The following FMN2 variants were observed in gnomAD, a reference collection of about 807,000 sequenced individuals.
FMN2 encodes the protein formin-2.
In FMN2, 51 loss-of-function variants were observed where a neutral mutation model predicts 142.3. The ratio of observed to expected loss-of-function variants is 0.36; its 90% CI spans 0.29 to 0.45. The LOEUF (loss-of-function observed/expected upper bound fraction) is 0.45, where lower values mean the gene tolerates loss of function less well. Among genes scored for constraint, FMN2 ranks in the 20% least tolerant of loss-of-function variants. The pLI, the probability that FMN2 is intolerant of heterozygous loss-of-function variation, is 1.00. For missense variants in FMN2, 1,936 were observed against 2,122.8 expected (o/e 0.91, Z 1.73); for synonymous variants, 882 against 869.8 (o/e 1.01, Z -0.25).
intron 15 of FMN2, among the ~76,000 whole-genome samples, chr1:240,411,570 C>CAAAAAAA (rs757715188): frequency 9.6e-6 from 1 of 103,676 alleles, no homozygotes; most frequent in Non-Finnish European, 2.0e-5. Flanking sequence ...GACTCCATCT[C>CAAAAAAA]AAAAAAAAAA....
rs1377138739 is a variant in FMN2 at position 240,473,178 on chromosome 1, C to T, written c.5142+725C>T. On this transcript the variant is annotated intron_variant, in intron 17 of 17. Coordinates refer to ENST00000319653, the MANE Select transcript of FMN2 (RefSeq NM_020066.5). This position sits in a 1 kb window ranked among gnomAD's most constrained non-coding sequence, Gnocchi z 4.3. ...GCCAAGAGCAGTGTGACGCTTTGCC[C>T]AGGGTGCCCAGACCCCGTTTATATC... 1.3e-5 allele frequency among the ~76,000 whole-genome samples: 2 copies of T among 152,072 alleles called. No individual in the cohort carries two copies. The highest frequency in any genetic ancestry group is 2.9e-5 in the Non-Finnish European group (2 of 68,018).
At chr1:240,336,582 A>AAAAAAAAAAAAAAAAAAAAAG (rs144682452) in intron 13 of FMN2, among the ~76,000 whole-genome samples, 1 of 101,842 alleles carries the variant, frequency 9.8e-6, no homozygotes, top group East Asian at 3.9e-4. Flanking sequence ...AAAAAAAAAA[A>AAAAAAAAAAAAAAAAAAAAAG]GGTGGTTGCA....
intron 15 of FMN2, among the ~76,000 whole-genome samples, chr1:240,406,988 C>G (rs542812530): frequency 6.6e-6 from 1 of 152,092 alleles, no homozygotes; most frequent in African/African-American, 2.4e-5. Context: ...AAACGTTCGT[C>G]GTCTCATTTT....
At chr1:240,239,974 G>C (rs2102865576) in intron 6 of FMN2, among the ~76,000 whole-genome samples, 1 of 152,250 alleles carries the variant, frequency 6.6e-6, no homozygotes, top group South Asian at 2.1e-4. Context: ...CCCTGAAATT[G>C]AGCAATACAT....
At chr1:240,328,162 A>AAAAAAAAAAAG (rs1671245311) in intron 8 of FMN2, among the ~76,000 whole-genome samples, 1 of 149,496 alleles carries the variant, frequency 6.7e-6, no homozygotes, top group African/African-American at 2.5e-5. Context: ...AAAAAAAAAA[A>AAAAAAAAAAAG]AAAAAAAAAA....
At chr1:240,183,172 C>T (rs1665224202) in intron 3 of FMN2, among the ~76,000 whole-genome samples, 1 of 151,606 alleles carries the variant, frequency 6.6e-6, no homozygotes, top group East Asian at 1.9e-4. Context: ...CCACCTTGGC[C>T]TCCCAAAGTG....
intron 8 of FMN2, among the ~76,000 whole-genome samples, chr1:240,328,762 G>C (rs187221963): frequency 6.6e-6 from 1 of 151,986 alleles, no homozygotes; most frequent in African/African-American, 2.4e-5. Flanking sequence ...GCTAATTTTT[G>C]TATTTTTAGT....
At chr1:240,396,924 T>A (rs1479514574) in intron 15 of FMN2, among the ~76,000 whole-genome samples, 1 of 152,212 alleles carries the variant, frequency 6.6e-6, no homozygotes, top group East Asian at 1.9e-4. Flanking sequence ...TACGAGTGTG[T>A]GTGTTTTTGA....
chr1:240,328,147 CAAAAAAAAAAAAAAAA>C (rs780595882), intron 8 of FMN2, among the ~76,000 whole-genome samples: 2 of 51,456 alleles, frequency 3.9e-5, no homozygotes, highest in Non-Finnish European at 7.1e-5. Flanking sequence ...GACCCCATCT[CAAAAAAAAAAAAAAAA>C]AAAAAAAAAG....
chr1:240,355,152 T>C (rs1220751400), intron 13 of FMN2, among the ~76,000 whole-genome samples: 1 of 152,146 alleles, frequency 6.6e-6, no homozygotes. Flanking sequence ...TTGGGCAAAT[T>C]AGTGCCTTAT....
At chr1:240,125,559 G>T (rs1194674129) in intron 2 of FMN2, among the ~76,000 whole-genome samples, 1 of 152,196 alleles carries the variant, frequency 6.6e-6, no homozygotes, top group Admixed American at 6.5e-5. Flanking sequence ...TATAGTGCAG[G>T]CAAAGGCAAA....
chr1:240,168,782 A>T (rs1664584758), intron 2 of FMN2, among the ~76,000 whole-genome samples: 1 of 152,230 alleles, frequency 6.6e-6, no homozygotes, highest in Non-Finnish European at 1.5e-5. Context: ...GAATGAGACT[A>T]ATCAAAAACA....
chr1:240,211,837 A>G (rs1011128952), intron 6 of FMN2, among the ~76,000 whole-genome samples: 1 of 152,158 alleles, frequency 6.6e-6, no homozygotes, highest in African/African-American at 2.4e-5. Flanking sequence ...ATTTCCAAGC[A>G]ATTTTTTTCT....
intron 3 of FMN2, among the ~76,000 whole-genome samples, chr1:240,183,419 T>TA (rs1665234523): frequency 6.8e-6 from 1 of 147,988 alleles, no homozygotes; most frequent in Non-Finnish European, 1.5e-5. Flanking sequence ...TAATATAATA[T>TA]ATATATTATA....
At chr1:240,454,547 A>G (rs1676175220) in intron 16 of FMN2, among the ~76,000 whole-genome samples, 1 of 152,212 alleles carries the variant, frequency 6.6e-6, no homozygotes, top group Non-Finnish European at 1.5e-5. Context: ...CACTCTAAAG[A>G]AAAGAATAAA....
chr1:240,164,221 T>A (rs1356886831), intron 2 of FMN2, among the ~76,000 whole-genome samples: 1 of 152,122 alleles, frequency 6.6e-6, no homozygotes, highest in Non-Finnish European at 1.5e-5. Flanking sequence ...ACTGCATACA[T>A]TTTTGCCTTT....
chr1:240,220,157 A>T (rs1432531897), intron 6 of FMN2, among the ~76,000 whole-genome samples: 1 of 152,140 alleles, frequency 6.6e-6, no homozygotes, highest in Non-Finnish European at 1.5e-5. Context: ...TTATAACAAA[A>T]AATTGTGTAA....
intron 3 of FMN2, among the ~76,000 whole-genome samples, chr1:240,187,336 T>C (rs372687576): frequency 1.2e-4 from 18 of 151,264 alleles, no homozygotes; most frequent in East Asian, 7.8e-4. Context: ...CTGTACCTTG[T>C]GTCCAGGGTC....
intron 8 of FMN2, among the ~76,000 whole-genome samples, chr1:240,319,323 G>T (rs565420146): frequency 6.6e-6 from 1 of 152,270 alleles, no homozygotes; most frequent in East Asian, 1.9e-4. Flanking sequence ...GAGAGAAAAT[G>T]AATAAAGGAA....
Sources: allele counts gnomAD v4.1 joint callset (sites outside exome capture counted in the v4.1 genomes callset), GRCh38; gene constraint gnomAD v4.1.1; non-coding constraint Gnocchi (gnomAD v3.1); transcripts MANE v1.5; gene names NCBI Gene and HGNC (gene_info 2026-07-23, HGNC 2026-07-21).